Variants in UBXN7 observed in about 807,000 individuals in gnomAD.
UBXN7 encodes the protein UBX domain protein 7, also known as UBX domain-containing protein 7.
UBXN7 carries 9 observed loss-of-function variants against 58.0 expected under a neutral mutation model. The ratio of observed to expected loss-of-function variants is 0.16; its 90% CI spans 0.09 to 0.27. The LOEUF is 0.27. Ranked by LOEUF, UBXN7 falls within the 10% of genes least tolerant of loss-of-function variation. The pLI, the probability that UBXN7 is intolerant of heterozygous loss-of-function variation, is 1.00. For synonymous variants in UBXN7, 208 were observed against 205.0 expected, an observed-to-expected ratio of 1.01 and a Z score of -0.12; for missense variants, 328 against 599.6, an observed-to-expected ratio of 0.55 and a Z score of 4.73.
intron 3 of UBXN7, among the ~76,000 whole-genome samples, chr3:196,401,564 T>C (rs1302495892): frequency 6.7e-6 from 1 of 149,348 alleles, no homozygotes; most frequent in Non-Finnish European, 1.5e-5. Flanking sequence ...AAGAGAGAGC[T>C]GAGTACAAAC....
chr3:196,366,168 G>C (rs1236686570), intron 8 of UBXN7, among the ~76,000 whole-genome samples: 1 of 152,066 alleles, frequency 6.6e-6, no homozygotes, highest in Non-Finnish European at 1.5e-5. Flanking sequence ...TCCTTAAATA[G>C]GCACTTTATT....
intron 1 of UBXN7, among the ~76,000 whole-genome samples, chr3:196,419,675 T>C (rs940331763): frequency 2.6e-5 from 4 of 152,156 alleles, no homozygotes; most frequent in Non-Finnish European, 2.9e-5. Flanking sequence ...GAGACCATTT[T>C]TGGTGTTTCA....
intron 5 of UBXN7, among the ~76,000 whole-genome samples, chr3:196,376,604 T>C (rs1488865701): frequency 6.7e-6 from 1 of 148,642 alleles, no homozygotes; most frequent in African/African-American, 2.5e-5. Flanking sequence ...AGTTACTAAC[T>C]AGGCTCTTCT....
chr3:196,416,631 T>C (rs1311146235), intron 1 of UBXN7, among the ~76,000 whole-genome samples: 4 of 152,176 alleles, frequency 2.6e-5, no homozygotes, highest in Non-Finnish European at 5.9e-5. Context: ...GTCAACATTT[T>C]AGTCTGCCTA....
chr3:196,408,508 T>C lies in UBXN7; in HGVS notation c.74-1115A>G, dbSNP rs539499235. 3.3e-5 allele frequency among the ~76,000 whole-genome samples: 5 copies of C among 152,350 alleles called. No homozygotes were observed. In the East Asian group the frequency reaches 5.8e-4, roughly 18 times the overall value. On this transcript the variant is annotated intron_variant, in intron 1 of 10. Transcript: ENST00000296328. ...ATAACATAAATGTCTAGTGATAGAA[T>C]GTAAATTGAACATTTTCTGGCCACT...
chr3:196,368,915 C>T (rs987950642), intron 7 of UBXN7, among the ~76,000 whole-genome samples: 14 of 152,134 alleles, frequency 9.2e-5, no homozygotes, highest in Non-Finnish European at 1.0e-4. Flanking sequence ...CTCCACCTCC[C>T]GGGTTCAGGC....
At position 196,349,958 on chromosome 3, in the gene UBXN7, A is replaced by G. The variant is rs1331471486; in HGVS notation, c.*6727T>C. On this transcript the variant is annotated 3_prime_UTR_variant, in exon 11 of 11. Coordinates refer to ENST00000296328, the MANE Select transcript of UBXN7 (RefSeq NM_015562.2). The stretch of plus-strand genomic sequence containing the variant: ...CCTTTAGAAGGGATATAAAATACCC[A>G]GAGTATTGTGATCTCTAGAGAGGAA... 6.6e-6 allele frequency: 1 copy of G among 152,250 alleles called. No individual in the cohort carries two copies. Among genetic ancestry groups the G allele is most frequent in the Non-Finnish European group, 1.5e-5 (1 of 68,040 alleles). 9.4% of individuals were successfully genotyped at this position (152,250 alleles called of 1,614,324 possible). A position where few individuals can be genotyped will look rare whatever the true frequency, so the allele number is the denominator to read the frequency against.
chr3:196,385,147 C>T (rs528516553), intron 5 of UBXN7, among the ~76,000 whole-genome samples: 7 of 152,176 alleles, frequency 4.6e-5, no homozygotes, highest in Admixed American at 2.0e-4. Context: ...GGATTGCAGG[C>T]GCGCGCCACC....
intron 5 of UBXN7, among the ~76,000 whole-genome samples, chr3:196,389,406 T>C (rs892761552): frequency 4.6e-5 from 7 of 152,230 alleles, no homozygotes; most frequent in South Asian, 2.1e-4. Context: ...ATTTGGGTTT[T>C]CTGTTACATG....
chr3:196,383,884 A>C (rs1729292086), intron 5 of UBXN7, among the ~76,000 whole-genome samples: 1 of 152,226 alleles, frequency 6.6e-6, no homozygotes, highest in East Asian at 1.9e-4. Context: ...ATCACAATTA[A>C]AAGAACTAGA....
chr3:196,431,353 A>G (rs1731040657), intron 1 of UBXN7: 1 of 152,256 alleles, frequency 6.6e-6, no homozygotes, highest in Admixed American at 6.5e-5. Flanking sequence ...CCGCCCTCTA[A>G]TAACTCATGC....
In UBXN7 at chr3:196,401,306, C is replaced by T. The variant is rs1239355804; in HGVS notation, c.289+1646G>A. ...ATATATATATATATATATACACACACACACACACACACACATATATATATA... is the reference window on the plus strand; with the variant it reads ...ATATATATATATATATATACACACATACACACACACACACATATATATATA... On this transcript the variant is annotated intron_variant, in intron 3 of 10. Transcript: ENST00000296328. 5.8e-5 allele frequency among the ~76,000 whole-genome samples: 6 copies of T among 103,196 alleles called. No homozygotes were observed. The East Asian group carries it at 1.1e-3, about 19-fold the overall frequency. 67.7% of individuals were successfully genotyped at this position (103,196 alleles called of 152,430 possible). A position where few individuals can be genotyped will look rare whatever the true frequency, so the allele number is the denominator to read the frequency against.
chr3:196,417,459 G>C (rs975104096), intron 1 of UBXN7, among the ~76,000 whole-genome samples: 10 of 152,052 alleles, frequency 6.6e-5, no homozygotes, highest in South Asian at 2.1e-4. Context: ...GATTTAATAA[G>C]AGCCTGGGAA....
chr3:196,397,867 A>T (rs1729824295), intron 3 of UBXN7: 1 of 152,204 alleles, frequency 6.6e-6, no homozygotes, highest in Non-Finnish European at 1.5e-5. Context: ...TTCTTAGAGG[A>T]CAGCTGCAAA....
At position 196,387,103 on chromosome 3, in the gene UBXN7, G is replaced by A. The variant is rs1729429834; in HGVS notation, c.468+4710C>T. Reference sequence around the variant, plus strand: ...ACCAAAACAGATATACAGACCAATGGAACAGAACAGAGGCCTCAGAAATAA... The same window carrying A: ...ACCAAAACAGATATACAGACCAATGAAACAGAACAGAGGCCTCAGAAATAA... On this transcript the variant is annotated intron_variant, in intron 5 of 10. Coordinates refer to ENST00000296328, the MANE Select transcript of UBXN7 (RefSeq NM_015562.2). 5.3e-5 allele frequency among the ~76,000 whole-genome samples: 8 copies of A among 151,980 alleles called. 1 individual carries two copies. In the South Asian group the frequency reaches 1.7e-3, roughly 32 times the overall value.
intron 1 of UBXN7, among the ~76,000 whole-genome samples, chr3:196,407,692 T>TA (rs1478482241): frequency 6.6e-6 from 1 of 152,138 alleles, no homozygotes; most frequent in Non-Finnish European, 1.5e-5. Flanking sequence ...CCAAAGTATA[T>TA]ATTTGGGAAT....
chr3:196,358,996 T>C (rs1728430940), intron 10 of UBXN7, among the ~76,000 whole-genome samples: 2 of 151,996 alleles, frequency 1.3e-5, no homozygotes, highest in Admixed American at 1.3e-4. Flanking sequence ...CAAGCAAAGC[T>C]CACTGAACTT....
intron 10 of UBXN7, among the ~76,000 whole-genome samples, chr3:196,358,464 G>A (rs948531304): frequency 6.6e-5 from 10 of 152,160 alleles, no homozygotes; most frequent in Non-Finnish European, 1.0e-4. Context: ...ATTCACAACC[G>A]GGTGCTCCCA....
chr3:196,368,498 C>T (rs1044638609), intron 7 of UBXN7, among the ~76,000 whole-genome samples: 2 of 152,144 alleles, frequency 1.3e-5, no homozygotes, highest in African/African-American at 2.4e-5. Flanking sequence ...TCTTTCTGAA[C>T]ATTCTCATTA....
Sources: allele counts gnomAD v4.1 joint callset (sites outside exome capture counted in the v4.1 genomes callset), GRCh38; gene constraint gnomAD v4.1.1; transcripts MANE v1.5; gene names NCBI Gene and HGNC (gene_info 2026-07-23, HGNC 2026-07-21).